The following PLB1 variants were observed in gnomAD, a reference collection of about 807,000 sequenced individuals.
The protein encoded by PLB1 is phospholipase B1, membrane-associated.
A neutral mutation model predicts 227.4 loss-of-function variants in PLB1; 242 were observed. The observed-to-expected ratio is 1.06, with a 90% CI of 0.96 to 1.18. The LOEUF (loss-of-function observed/expected upper bound fraction) is 1.18. PLB1 is among the 50% of genes most tolerant of loss of function. The pLI is 0.00. For missense variants in PLB1, 1,858 were observed against 1,816.3 expected (o/e 1.02, Z -0.42); for synonymous variants, 757 against 682.2 (o/e 1.11, Z -1.71).
chr2:28,525,830 C>A, intron 5 of PLB1, 75 bp from the exon 6 acceptor site: 1 of 1,557,244 alleles, frequency 6.4e-7, no homozygotes, highest in Non-Finnish European at 8.8e-7. Flanking sequence ...TGAAATAGAC[C>A]ACAGCCAAGG....
chr2:28,549,353 T>A (rs558392109), intron 15 of PLB1, among the ~76,000 whole-genome samples: 4 of 152,222 alleles, frequency 2.6e-5, no homozygotes, highest in African/African-American at 7.2e-5. Flanking sequence ...AGGCTTATAA[T>A]TAATGTTTCC....
rs947132212 is a variant in PLB1 at position 28,589,927 on chromosome 2, G to A, written c.2017-78G>A. On this transcript the variant is annotated intron_variant, in intron 28 of 57. Coordinates refer to ENST00000327757, the MANE Select transcript of PLB1 (RefSeq NM_153021.5). ...TCTCCTTCATCCCTCCCTGCCTCCCGCACCCCTGACCTGCGTCCTGAGCTT... is the reference window on the plus strand; with the variant it reads ...TCTCCTTCATCCCTCCCTGCCTCCCACACCCCTGACCTGCGTCCTGAGCTT... 47 of 1,428,560 alleles carry A rather than the reference G, an allele frequency of 3.3e-5. 1 individual carries two copies. Among genetic ancestry groups the A allele is most frequent in the South Asian group, 1.0e-4 (9 of 87,076 alleles). 88.5% of individuals were successfully genotyped at this position (1,428,560 alleles called of 1,614,324 possible).
In PLB1 at chr2:28,589,675, G is replaced by A; in HGVS notation, c.1921G>A (p.Glu641Lys). The A allele has an allele frequency of 6.2e-7, 1 of 1,614,058 alleles. No homozygotes were observed. The highest frequency in any genetic ancestry group is 8.5e-7 in the Non-Finnish European group (1 of 1,179,974). The change falls in exon 28 of 58, where the codon GAA becomes AAA. Residue 641 changes from glutamate to lysine, a missense_variant and splice_region_variant. Physicochemically the swap from Glu to Lys is moderately conservative, Grantham distance 56. Coordinates refer to ENST00000327757, the MANE Select transcript of PLB1 (RefSeq NM_153021.5). ...CTCTCTTTTTCTGCCCGGTGACCAG[G>A]AAGGATTGCCTGACAACTCTTTCTT... is the stretch of plus-strand genomic sequence containing the variant. Reference protein sequence around the residue: ...FENVDMPKTSEGLPDNSFFAP... With the variant: ...FENVDMPKTSKGLPDNSFFAP...
intron 34 of PLB1, 32 bp downstream of exon 34, chr2:28,598,080 A>G: frequency 4.4e-6 from 7 of 1,592,698 alleles, no homozygotes; most frequent in Non-Finnish European, 5.2e-6. Flanking sequence ...GAATCTGTCT[A>G]CTGTTCCACC....
chr2:28,627,050 T>C (rs749568428), intron 51 of PLB1, among the ~76,000 whole-genome samples: 3 of 152,178 alleles, frequency 2.0e-5, no homozygotes, highest in Non-Finnish European at 2.9e-5. Context: ...TTGTTCTAAG[T>C]TGGGGACATT....
intron 1 of PLB1, among the ~76,000 whole-genome samples, chr2:28,506,458 G>A (rs1467282142): frequency 6.6e-6 from 1 of 152,166 alleles, no homozygotes; most frequent in Non-Finnish European, 1.5e-5. Context: ...TGGGGTTGGT[G>A]TAGGGCAAAA....
intron 37 of PLB1, among the ~76,000 whole-genome samples, chr2:28,601,595 CTCTT>C (rs1188808862): frequency 1.3e-5 from 2 of 152,164 alleles, no homozygotes; most frequent in Non-Finnish European, 2.9e-5. Context: ...CTACTCCTCT[CTCTT>C]ATAACTCCTG....
At chr2:28,587,854 G>C (rs919749058) in intron 26 of PLB1, among the ~76,000 whole-genome samples, 2 of 152,218 alleles carry the variant, frequency 1.3e-5, no homozygotes, top group African/African-American at 4.8e-5. Context: ...GAGGCAGGCT[G>C]CTCTCTATGC....
chr2:28,546,791 T>A (rs1291456413), intron 14 of PLB1, among the ~76,000 whole-genome samples: 1 of 151,850 alleles, frequency 6.6e-6, no homozygotes, highest in African/African-American at 2.4e-5. Context: ...TGAATTTTCC[T>A]TCTTTGAGGC....
At chr2:28,592,912 T>C (rs112379003) in intron 32 of PLB1, among the ~76,000 whole-genome samples, 193 bp downstream of exon 32, 116 of 152,364 alleles carry the variant, frequency 7.6e-4, no homozygotes, top group African/African-American at 2.6e-3. Flanking sequence ...GGAAATCTTT[T>C]TTGGGAGTGA....
intron 43 of PLB1, among the ~76,000 whole-genome samples, chr2:28,607,549 A>G (rs74703355): frequency 0.012 from 1,765 of 152,232 alleles, 37 homozygotes; most frequent in African/African-American, 0.04. Context: ...CAGAGGGCTC[A>G]GTTGCTGGGT....
intron 46 of PLB1, among the ~76,000 whole-genome samples, chr2:28,619,393 T>C (rs1004978994): frequency 8.5e-5 from 13 of 152,192 alleles, no homozygotes; most frequent in African/African-American, 2.7e-4. Context: ...CTGGTGGTAT[T>C]TGCATGTGGG....
At chr2:28,589,333 G>T (rs377051604) in intron 26 of PLB1, 117 bp from the exon 27 acceptor site, 2 of 754,820 alleles carry the variant, frequency 2.6e-6, no homozygotes, top group Non-Finnish European at 4.5e-6. Context: ...TTTGCACCAG[G>T]TTGATTTCAC....
At chr2:28,516,694 G>A (rs941167882) in intron 1 of PLB1, 114 bp from the exon 2 acceptor site, 140 of 899,388 alleles carry the variant, frequency 1.6e-4, no homozygotes, top group Non-Finnish European at 2.4e-4. Context: ...TAACACAGTG[G>A]ACATTACTGA....
At chr2:28,632,529 C>G (rs1310101948) in intron 55 of PLB1, among the ~76,000 whole-genome samples, 1 of 152,116 alleles carries the variant, frequency 6.6e-6, no homozygotes, top group East Asian at 1.9e-4. Flanking sequence ...GTGGCTCATG[C>G]CTGTAATCTC....
At chr2:28,562,300 T>G (rs2204671) in intron 17 of PLB1, among the ~76,000 whole-genome samples, 102,247 of 151,704 alleles carry the variant, frequency 0.67, 35,247 homozygotes, top group Non-Finnish European at 0.75. Flanking sequence ...TCCCAGCACT[T>G]TGGGAGGCCA....
chr2:28,496,155 T>C lies in PLB1; in HGVS notation c.41T>C (p.Leu14Pro). 1 of 1,614,094 alleles carries C rather than the reference T, an allele frequency of 6.2e-7. No homozygotes were observed. Among genetic ancestry groups the C allele is most frequent in the Non-Finnish European group, 8.5e-7 (1 of 1,179,960 alleles). ...RPGIFLLELL[L>P]LLGQGTPQIH... ...GGCATTTTCCTCCTGGAGCTGCTGC[T>C]GCTTCTGGGGCAAGGTAAGCGTGCC... Residue 14 changes from leucine to proline, a missense_variant, in exon 1 of 58, where the codon CTG becomes CCG. Leu to Pro is a moderately conservative substitution (Grantham distance 98). Coordinates refer to ENST00000327757, the MANE Select transcript of PLB1 (RefSeq NM_153021.5).
chr2:28,597,753 C>G (rs1362626687), intron 33 of PLB1, among the ~76,000 whole-genome samples: 1 of 152,210 alleles, frequency 6.6e-6, no homozygotes, highest in Non-Finnish European at 1.5e-5. Context: ...ATATACTCAG[C>G]TAAGCATTCT....
Position 28,630,592 on chromosome 2 carries a change from C to T in PLB1, c.3825C>T (p.Asn1275=). The part of the protein sequence containing the change: ...GKCAMLAAQN[N]CTCLRHSQSS... ...AACACTCCCTGTCTCACAGGAACAA[C>T]TGCACTTGCCTCAGACACTCGCAAA... The change falls in exon 54 of 58, where the codon AAC becomes AAT. Residue 1275 remains asparagine, a synonymous_variant. Coordinates refer to ENST00000327757, the MANE Select transcript of PLB1 (RefSeq NM_153021.5). 5 of 1,613,644 alleles carry T rather than the reference C, an allele frequency of 3.1e-6. No homozygotes were observed. Among genetic ancestry groups the T allele is most frequent in the Non-Finnish European group, 4.2e-6 (5 of 1,179,704 alleles).
Sources: allele counts gnomAD v4.1 joint callset (sites outside exome capture counted in the v4.1 genomes callset), GRCh38; gene constraint gnomAD v4.1.1; transcripts MANE v1.5; gene names NCBI Gene and HGNC (gene_info 2026-07-23, HGNC 2026-07-21).